Variants in GNA14 observed in about 807,000 individuals in gnomAD.
The protein encoded by GNA14 is guanine nucleotide-binding protein subunit alpha-14.
A neutral mutation model predicts 42.0 loss-of-function variants in GNA14; 50 were observed. That is an observed-to-expected ratio of 1.19 (90% CI 0.95 to 1.51). The LOEUF is 1.51. Ranked by LOEUF, GNA14 falls within the 40% of genes most tolerant of loss-of-function variation. GNA14 has a pLI of 0.00. For missense variants in GNA14, 473 were observed against 446.2 expected (o/e 1.06, Z -0.54); for synonymous variants, 173 against 163.1 (o/e 1.06, Z -0.46).
At chr9:77,618,610 ATATATATATAT>A (rs1823867179) in intron 1 of GNA14, among the ~76,000 whole-genome samples, 3 of 12,656 alleles carry the variant, frequency 2.4e-4, no homozygotes, top group African/African-American at 8.9e-4. Flanking sequence ...ATATATATAT[ATATATATATAT>A]TTTTTTTTTT....
chr9:77,454,781 G>A (rs190488285), intron 2 of GNA14, among the ~76,000 whole-genome samples: 1 of 152,066 alleles, frequency 6.6e-6, no homozygotes, highest in African/African-American at 2.4e-5. Flanking sequence ...TAGAGCAAAG[G>A]CCTTTCTAAT....
In GNA14 at chr9:77,424,042, A is replaced by G; in HGVS notation, c.1005T>C (p.Phe335=). 6.2e-7 allele frequency: 1 copy of G among 1,611,324 alleles called. No homozygotes were observed. The highest frequency in any genetic ancestry group is 8.5e-7 in the Non-Finnish European group (1 of 1,178,634). The change falls in exon 7 of 7, where the codon TTT becomes TTC. Residue 335 remains phenylalanine (F), a synonymous_variant. Coordinates refer to ENST00000341700, the MANE Select transcript of GNA14 (RefSeq NM_004297.4). The part of the protein sequence containing the change: ...TCATDTDNIR[F]VFAAVKDTIL... ...TTGTGTCTTTGACAGCAGCAAACAC[A>G]AAGCGAATATTGTCTGTATCTGTAG...
At chr9:77,489,692 TC>T (rs1461136874) in intron 2 of GNA14, among the ~76,000 whole-genome samples, 2 of 152,082 alleles carry the variant, frequency 1.3e-5, no homozygotes. Context: ...CTGCAGACCT[TC>T]GCGGTGAGTG....
intron 2 of GNA14, among the ~76,000 whole-genome samples, chr9:77,434,749 C>T (rs1305951086): frequency 6.6e-6 from 1 of 152,150 alleles, no homozygotes; most frequent in African/African-American, 2.4e-5. Flanking sequence ...CACCAGCAGC[C>T]CAAGACCTGC....
chr9:77,445,213 C>T (rs532308853), intron 2 of GNA14, among the ~76,000 whole-genome samples: 163 of 152,236 alleles, frequency 1.1e-3, no homozygotes, highest in Non-Finnish European at 1.9e-3. Flanking sequence ...GTGTATGGAG[C>T]GGGGGTACGA....
At chr9:77,524,701 T>C (rs562991913) in intron 2 of GNA14, among the ~76,000 whole-genome samples, 5 of 152,312 alleles carry the variant, frequency 3.3e-5, no homozygotes, top group African/African-American at 9.6e-5. Flanking sequence ...AGTTTCATGT[T>C]TGGAATCAAG....
At chr9:77,614,856 A>C (rs1564066890) in intron 1 of GNA14, among the ~76,000 whole-genome samples, 1 of 152,214 alleles carries the variant, frequency 6.6e-6, no homozygotes. Flanking sequence ...ACCCAGTGAG[A>C]AAGAATCTTT....
At chr9:77,575,959 G>C (rs981707498) in intron 1 of GNA14, among the ~76,000 whole-genome samples, 1 of 152,326 alleles carries the variant, frequency 6.6e-6, no homozygotes, top group African/African-American at 2.4e-5. Context: ...GGGGTTTCAG[G>C]AGAAGGGGGT....
At chr9:77,485,499 G>T (rs906487005) in intron 2 of GNA14, among the ~76,000 whole-genome samples, 2 of 151,996 alleles carry the variant, frequency 1.3e-5, no homozygotes, top group African/African-American at 4.8e-5. Context: ...TTCCTCTCAG[G>T]AATTACAAAT....
At chr9:77,510,752 C>T (rs949312257) in intron 2 of GNA14, among the ~76,000 whole-genome samples, 5 of 152,154 alleles carry the variant, frequency 3.3e-5, no homozygotes, top group African/African-American at 9.7e-5. Context: ...TGGCCCTTTT[C>T]GTATCAGGCC....
intron 3 of GNA14, 134 bp from the exon 4 acceptor site, chr9:77,431,583 G>A: frequency 2.7e-6 from 2 of 730,114 alleles, no homozygotes; most frequent in East Asian, 5.2e-5. Flanking sequence ...ACTTTCCTGA[G>A]AGCCAGTGCC....
Position 77,648,210 on chromosome 9 carries a change from G to T in GNA14, c.-417C>A, listed in dbSNP as rs1013932446. 1 of 242,224 alleles carries T rather than the reference G, an allele frequency of 4.1e-6. No individual in the cohort carries two copies. The highest frequency in any genetic ancestry group is 8.0e-6 in the Non-Finnish European group (1 of 125,026). The allele number at this position is 242,224 out of a possible 1,614,324, so 15.0% of individuals were successfully genotyped here. A position where few individuals can be genotyped will look rare whatever the true frequency, so the allele number is the denominator to read the frequency against. ...AGAGTAGGATCTCCTGGGCCTAGGGGTGTCCCCAGGCGGGAGGTAGGCGCG... is the reference window on the plus strand; with the variant it reads ...AGAGTAGGATCTCCTGGGCCTAGGGTTGTCCCCAGGCGGGAGGTAGGCGCG... On this transcript the variant is annotated 5_prime_UTR_variant, in exon 1 of 7. Transcript: ENST00000341700.
At chr9:77,551,746 CT>C (rs1348623545) in intron 1 of GNA14, among the ~76,000 whole-genome samples, 5 of 151,772 alleles carry the variant, frequency 3.3e-5, no homozygotes, top group Non-Finnish European at 7.4e-5. Context: ...ATGTTCTTTG[CT>C]TTTTTTAAAA....
At chr9:77,442,148 G>C (rs1835746398) in intron 2 of GNA14, among the ~76,000 whole-genome samples, 1 of 152,190 alleles carries the variant, frequency 6.6e-6, no homozygotes, top group Non-Finnish European at 1.5e-5. Flanking sequence ...AAGGCACACG[G>C]ATCACTTGAG....
At chr9:77,647,306 C>T (rs1027065960) in intron 1 of GNA14, among the ~76,000 whole-genome samples, 2 of 152,130 alleles carry the variant, frequency 1.3e-5, no homozygotes, top group African/African-American at 4.8e-5. Context: ...AGCGCTGAAC[C>T]CAAGATGTGG....
intron 1 of GNA14, among the ~76,000 whole-genome samples, chr9:77,628,325 T>C (rs557020798): frequency 5.3e-5 from 8 of 152,338 alleles, no homozygotes; most frequent in African/African-American, 7.2e-5. Flanking sequence ...AAGTAATTTA[T>C]AGATTCAATG....
chr9:77,445,552 GAAAAAAAA>G (rs762651584), intron 2 of GNA14, among the ~76,000 whole-genome samples: 4 of 55,958 alleles, frequency 7.1e-5, no homozygotes, highest in African/African-American at 2.2e-4. Flanking sequence ...TCTCTAAGAA[GAAAAAAAA>G]AAAAAAAAAA....
intron 2 of GNA14, among the ~76,000 whole-genome samples, chr9:77,502,866 T>C (rs1836998226): frequency 6.6e-6 from 1 of 152,170 alleles, no homozygotes; most frequent in Admixed American, 6.5e-5. Flanking sequence ...GGCTATTGCT[T>C]AAACTTTGTC....
At chr9:77,586,669 G>C (rs959055736) in intron 1 of GNA14, among the ~76,000 whole-genome samples, 51 of 152,314 alleles carry the variant, frequency 3.3e-4, no homozygotes, top group Non-Finnish European at 2.1e-4. Flanking sequence ...AGCTTGAGGC[G>C]GCGGTGTCTG....
Sources: allele counts gnomAD v4.1 joint callset (sites outside exome capture counted in the v4.1 genomes callset), GRCh38; gene constraint gnomAD v4.1.1; transcripts MANE v1.5; gene names NCBI Gene and HGNC (gene_info 2026-07-23, HGNC 2026-07-21).